SEMA3D: variants seen among roughly 807,000 people sequenced by gnomAD.
SEMA3D encodes semaphorin-3D.
In SEMA3D, 84 loss-of-function variants were observed where a neutral mutation model predicts 100.1. The ratio of observed to expected loss-of-function variants is 0.84; its 90% CI spans 0.70 to 1.01. SEMA3D has a LOEUF of 1.01. Among genes scored for constraint, SEMA3D ranks in the 50% least tolerant of loss-of-function variants. SEMA3D has a pLI of 0.00. For synonymous variants in SEMA3D, 312 were observed against 320.7 expected (o/e 0.97, Z 0.29); for missense variants, 875 against 934.1 (o/e 0.94, Z 0.82).
chr7:85,178,157 A>T lies in SEMA3D; in HGVS notation c.-173+8521T>A, dbSNP rs144370493. Among the ~76,000 whole-genome samples the T allele has an allele frequency of 6.9e-3, 1,046 of 152,232 alleles. 15 individuals carry two copies. Among genetic ancestry groups the T allele is most frequent in the African/African-American group, 0.024 (1,003 of 41,548 alleles). ...CCATGTGGAACTGTGAATCAATTAA[A>T]CCTCTTTCCTTAGAAATTACCCAGT... is the stretch of plus-strand genomic sequence containing the variant. On this transcript the variant is annotated intron_variant, in intron 1 of 18. Coordinates refer to ENST00000284136, the MANE Select transcript of SEMA3D (RefSeq NM_001384900.1).
intron 15 of SEMA3D, among the ~76,000 whole-genome samples, chr7:85,017,534 G>A (rs911629498): frequency 6.6e-6 from 1 of 151,690 alleles, no homozygotes; most frequent in Admixed American, 6.6e-5. Flanking sequence ...AATAGATTAA[G>A]TCAATTTTAG....
intron 2 of SEMA3D, among the ~76,000 whole-genome samples, chr7:85,147,910 T>C (rs1790261905): frequency 6.6e-6 from 1 of 152,282 alleles, no homozygotes; most frequent in Non-Finnish European, 1.5e-5. Flanking sequence ...GTCTTTCAAC[T>C]GGGAGTGCAC....
At chr7:85,028,349 G>A in intron 12 of SEMA3D, 1 of 587,050 alleles carries the variant, frequency 1.7e-6, no homozygotes, top group Non-Finnish European at 3.1e-6. Context: ...AATTATCAAT[G>A]TGCCAATTGT....
chr7:85,097,948 T>G lies in SEMA3D; in HGVS notation c.169A>C (p.Ser57Arg). 6.4e-7 allele frequency: 1 copy of G among 1,566,926 alleles called. No homozygotes were observed. Among genetic ancestry groups the G allele is most frequent in the Non-Finnish European group, 8.7e-7 (1 of 1,154,552 alleles). The change falls in exon 4 of 19, where the codon AGC becomes CGC. Residue 57 changes from serine to arginine, a missense_variant. Coordinates refer to ENST00000284136, the MANE Select transcript of SEMA3D (RefSeq NM_001384900.1). ...LTYKDLLLSNSCIPFLGSSEG... is the reference protein window; with the variant it reads ...LTYKDLLLSNRCIPFLGSSEG... ...GATGAACCCAAAAAGGGAATACAGC[T>G]ATTTGAAAGCAGCAAGTCTATGGAA...
chr7:85,233,436 T>A, the SEMA3D span, among the ~76,000 whole-genome samples: 65 of 152,286 alleles, frequency 4.3e-4, no homozygotes, highest in African/African-American at 1.3e-3. Context: ...ACTGCCTTAC[T>A]TCTAAATCCT....
chr7:85,025,662 T>C (rs1182298887), intron 12 of SEMA3D, among the ~76,000 whole-genome samples: 2 of 152,042 alleles, frequency 1.3e-5, no homozygotes, highest in African/African-American at 4.8e-5. Flanking sequence ...AGGGAAGACA[T>C]GGCAAAAGAA....
intron 2 of SEMA3D, among the ~76,000 whole-genome samples, chr7:85,137,437 G>GATAT (rs1178135392): frequency 2.0e-5 from 3 of 151,840 alleles, no homozygotes; most frequent in African/African-American, 4.8e-5. Context: ...ACACTACAGG[G>GATAT]ATATGGCAAG....
chr7:85,199,525 G>A, the SEMA3D span, among the ~76,000 whole-genome samples: 1 of 152,036 alleles, frequency 6.6e-6, no homozygotes, highest in Non-Finnish European at 1.5e-5. Context: ...TTGACCTACT[G>A]TACCTTGTCT....
intron 1 of SEMA3D, chr7:85,181,789 T>A: frequency 2.0e-6 from 2 of 981,128 alleles, no homozygotes; most frequent in Non-Finnish European, 2.4e-6. Context: ...AAGATTAGCA[T>A]GCTAGTTAAA....
chr7:85,150,932 A>G lies in SEMA3D; in HGVS notation c.-41+2676T>C, dbSNP rs185594085. The stretch of plus-strand genomic sequence containing the variant: ...TAATTCCTTTTATTGTAAATGTTAG[A>G]CAAACAAAATAATATTTTAAAACAA... On this transcript the variant is annotated intron_variant, in intron 2 of 18. Transcript: ENST00000284136. Among the ~76,000 whole-genome samples, 262 of 152,196 alleles carry G rather than the reference A, an allele frequency of 1.7e-3. 1 individual carries two copies. Among genetic ancestry groups the G allele is most frequent in the African/African-American group, 5.4e-3 (224 of 41,560 alleles).
chr7:85,150,762 T>G (rs1790357275), intron 2 of SEMA3D, among the ~76,000 whole-genome samples: 1 of 152,012 alleles, frequency 6.6e-6, no homozygotes, highest in Admixed American at 6.6e-5. Flanking sequence ...ATGTATAAAG[T>G]AATGAAGTAG....
intron 2 of SEMA3D, among the ~76,000 whole-genome samples, chr7:85,133,750 T>C (rs538515115): frequency 2.6e-5 from 4 of 152,102 alleles, no homozygotes; most frequent in African/African-American, 9.6e-5. Context: ...GTCCAGTTTC[T>C]GCATCTACGA....
chr7:85,141,437 A>T (rs1457947223), intron 2 of SEMA3D: 33 of 982,606 alleles, frequency 3.4e-5, no homozygotes, highest in African/African-American at 1.4e-4. Flanking sequence ...GCTAATATTT[A>T]AAAAAAAGAT....
At chr7:85,125,926 T>C (rs1337823941) in intron 2 of SEMA3D, among the ~76,000 whole-genome samples, 3 of 152,052 alleles carry the variant, frequency 2.0e-5, no homozygotes, top group African/African-American at 7.2e-5. Context: ...CTACTGTCTG[T>C]AACAAGCTTG....
intron 2 of SEMA3D, among the ~76,000 whole-genome samples, chr7:85,128,404 C>T (rs186598747): frequency 0.011 from 1,652 of 152,106 alleles, 63 homozygotes; most frequent in Admixed American, 0.077. Context: ...TTCCTGACCT[C>T]GTGATCCACC....
chr7:85,152,668 T>C (rs1328419590), intron 2 of SEMA3D, among the ~76,000 whole-genome samples: 1 of 152,156 alleles, frequency 6.6e-6, no homozygotes, highest in Non-Finnish European at 1.5e-5. Flanking sequence ...TCTTCAAACA[T>C]AGATGAATAA....
At chr7:85,078,784 G>C (rs1012948992) in intron 5 of SEMA3D, among the ~76,000 whole-genome samples, 1 of 152,120 alleles carries the variant, frequency 6.6e-6, no homozygotes, top group African/African-American at 2.4e-5. Context: ...TTTGTGTAAA[G>C]GGACAGTCTT....
At chr7:85,163,099 A>G (rs1562841005) in intron 1 of SEMA3D, 1 of 527,784 alleles carries the variant, frequency 1.9e-6, no homozygotes. Flanking sequence ...AAAACAGAAT[A>G]CAAAGAAAAG....
chr7:85,120,938 T>A (rs1221709087), intron 3 of SEMA3D, among the ~76,000 whole-genome samples: 1 of 152,172 alleles, frequency 6.6e-6, no homozygotes, highest in Non-Finnish European at 1.5e-5. Context: ...TACTCTTAGA[T>A]TTGACATCCA....
Sources: gnomAD v4.1 joint callset for allele counts (sites outside exome capture counted in the v4.1 genomes callset) on GRCh38, gnomAD v4.1.1 for gene constraint, MANE v1.5 for transcripts, NCBI Gene and HGNC (gene_info 2026-07-23, HGNC 2026-07-21) for gene names.